Variants in FOCAD observed in about 807,000 individuals in gnomAD.
FOCAD encodes the protein focadhesin.
Under a neutral mutation model 225.6 loss-of-function variants are expected in FOCAD, and 198 were observed. The observed-to-expected ratio is 0.88, with a 90% CI of 0.78 to 0.99. The LOEUF (loss-of-function observed/expected upper bound fraction) is 0.99, where lower values mean the gene tolerates loss of function less well. Among genes scored for constraint, FOCAD ranks in the 50% least tolerant of loss-of-function variants. The pLI is 0.00. For missense variants in FOCAD, 2,713 were observed against 2,123.6 expected (o/e 1.28, Z -5.46); for synonymous variants, 897 against 755.0 (o/e 1.19, Z -3.08).
chr9:20,722,631 T>C (rs1178884124), intron 4 of FOCAD, among the ~76,000 whole-genome samples: 1 of 152,258 alleles, frequency 6.6e-6, no homozygotes, highest in Non-Finnish European at 1.5e-5. Flanking sequence ...TCTCTCTTTC[T>C]GTTTCTACAC....
chr9:20,659,746 T>G (rs1821653858), intron 2 of FOCAD, among the ~76,000 whole-genome samples: 1 of 152,256 alleles, frequency 6.6e-6, no homozygotes, highest in Non-Finnish European at 1.5e-5. Flanking sequence ...AAAGATTTTA[T>G]GCAGGGAAGC....
At chr9:20,968,859 T>C (rs1839513305) in intron 35 of FOCAD, among the ~76,000 whole-genome samples, 1 of 152,180 alleles carries the variant, frequency 6.6e-6, no homozygotes, top group Non-Finnish European at 1.5e-5. Context: ...GGGATATTGA[T>C]TAGAATTATT....
chr9:20,839,165 C>T (rs1050658605), intron 15 of FOCAD, among the ~76,000 whole-genome samples: 3 of 151,444 alleles, frequency 2.0e-5, no homozygotes, highest in African/African-American at 7.3e-5. Flanking sequence ...TGTGTGTTTC[C>T]ATCATTTTGT....
intron 39 of FOCAD, among the ~76,000 whole-genome samples, chr9:20,984,105 A>G (rs966745765): frequency 6.6e-6 from 1 of 152,322 alleles, no homozygotes; most frequent in Admixed American, 6.5e-5. Context: ...GCAAGGTCAG[A>G]GTTTTCTATT....
rs1209385485 is a variant in FOCAD at position 20,978,431 on chromosome 9, C to G, written c.4354C>G (p.Pro1452Ala). ...AAALLGLWVT[P>A]PLIHSLSLNT... The stretch of plus-strand genomic sequence containing the variant: ...TGCACTATTGGGCTTGTGGGTGACA[C>G]CACCACTGATCCACAGTCTGAGTGT... Residue 1452 changes from proline (P) to alanine (A), a missense_variant, in exon 37 of 44, where the codon CCA (proline) becomes GCA (alanine). Transcript: ENST00000338382. The G allele has an allele frequency of 6.2e-7, 1 of 1,610,600 alleles. No homozygotes were observed. Among genetic ancestry groups the G allele is most frequent in the African/African-American group, 1.3e-5 (1 of 74,782 alleles).
At position 20,923,604 on chromosome 9, in the gene FOCAD, C is replaced by G. The variant is rs981107362; in HGVS notation, c.2853-56C>G. 3.6e-6 allele frequency: 5 copies of G among 1,382,944 alleles called. No homozygotes were observed. In the African/African-American group the frequency reaches 4.3e-5, roughly 12 times the overall value. The allele number at this position is 1,382,944 out of a possible 1,614,324, so 85.7% of individuals were successfully genotyped here. On this transcript the variant is annotated intron_variant, in intron 24 of 43. Transcript: ENST00000338382. ...ACCTGCCCTCCTATATTAGCTCTTT[C>G]TCTTCTTCTGGTTAATACCAAAGTT...
chr9:20,840,933 G>C (rs1826459401), intron 15 of FOCAD, among the ~76,000 whole-genome samples: 1 of 151,804 alleles, frequency 6.6e-6, no homozygotes, highest in Non-Finnish European at 1.5e-5. Context: ...ATCATGAAGG[G>C]ATGTTAATGT....
intron 4 of FOCAD, among the ~76,000 whole-genome samples, chr9:20,722,316 T>C (rs1298892901): frequency 1.3e-5 from 2 of 152,166 alleles, no homozygotes; most frequent in African/African-American, 2.4e-5. Context: ...CCCTCTTCTC[T>C]AGACATCCAC....
chr9:20,684,139 G>T (rs1000829386), upstream of FOCAD: 1 of 152,272 alleles, frequency 6.6e-6, no homozygotes, highest in Non-Finnish European at 1.5e-5. Context: ...CGCGCGAGCC[G>T]GGGAGGGCGG....
At chr9:20,985,678 T>C (rs1841089935) in intron 39 of FOCAD, among the ~76,000 whole-genome samples, 1 of 152,184 alleles carries the variant, frequency 6.6e-6, no homozygotes, top group South Asian at 2.1e-4. Flanking sequence ...ACAGTTCCCA[T>C]ATGAGTATTT....
rs373073970 is a variant in FOCAD at position 20,745,861 on chromosome 9, A to G, written c.392+5521A>G. ...CTCGGAAGTGGACAATTAGGCCAAC[A>G]GTAATGGATGATTGTACCCTGAGTA... On this transcript the variant is annotated intron_variant, in intron 5 of 43. Coordinates refer to ENST00000338382, the MANE Select transcript of FOCAD (RefSeq NM_001375567.1). Among the ~76,000 whole-genome samples the G allele has an allele frequency of 1.8e-3, 271 of 152,332 alleles. 8 individuals carry two copies. In the South Asian group the frequency reaches 0.054, roughly 30 times the overall value.
At chr9:20,937,595 C>T (rs1176305063) in intron 28 of FOCAD, among the ~76,000 whole-genome samples, 2 of 152,170 alleles carry the variant, frequency 1.3e-5, no homozygotes, top group African/African-American at 4.8e-5. Flanking sequence ...GGATTAAAGA[C>T]TTACATGTTA....
chr9:20,739,096 C>T (rs1424223317), intron 4 of FOCAD, among the ~76,000 whole-genome samples: 1 of 151,920 alleles, frequency 6.6e-6, no homozygotes, highest in Non-Finnish European at 1.5e-5. Context: ...ACTTGGAAAA[C>T]CTTAAATGCC....
At chr9:20,656,240 A>G (rs1482385806), upstream of FOCAD, among the ~76,000 whole-genome samples, 3 of 150,848 alleles carry the variant, frequency 2.0e-5, no homozygotes, top group Non-Finnish European at 4.4e-5. Flanking sequence ...GTGCTGAAAA[A>G]AATGTATATT....
intron 24 of FOCAD, 98 bp from the exon 25 acceptor site, chr9:20,923,562 A>C: frequency 1.3e-6 from 1 of 761,400 alleles, no homozygotes; most frequent in Non-Finnish European, 2.2e-6. Flanking sequence ...AAGGAACACA[A>C]GTTGCTTTTT....
At chr9:20,827,859 T>A (rs368389136) in intron 15 of FOCAD, among the ~76,000 whole-genome samples, 3 of 152,106 alleles carry the variant, frequency 2.0e-5, no homozygotes, top group Non-Finnish European at 4.4e-5. Context: ...AATTTTATTT[T>A]GTTAAAGATT....
At chr9:20,669,617 T>C (rs1428455143) in intron 2 of FOCAD, among the ~76,000 whole-genome samples, 2 of 150,186 alleles carry the variant, frequency 1.3e-5, no homozygotes, top group African/African-American at 4.9e-5. Context: ...CTATTGAAAA[T>C]ACACAAATTA....
At position 20,755,969 on chromosome 9, in the gene FOCAD, GT is replaced by G. The variant is rs754477467; in HGVS notation, c.393-2117del. ...ATCACTGCTACTGGCCTGTTTTGTG[GT>G]TTTAATTGAACACGACCTGCTGAAC... On this transcript the variant is annotated intron_variant, in intron 5 of 43. Coordinates refer to ENST00000338382, the MANE Select transcript of FOCAD (RefSeq NM_001375567.1). Among the ~76,000 whole-genome samples the G allele has an allele frequency of 7.4e-4, 113 of 151,918 alleles. 2 individuals carry two copies. Among genetic ancestry groups the G allele is most frequent in the Non-Finnish European group, 1.0e-4 (7 of 67,978 alleles).
chr9:20,833,522 A>G (rs1178284862), intron 15 of FOCAD, among the ~76,000 whole-genome samples: 1 of 152,082 alleles, frequency 6.6e-6, no homozygotes, highest in Non-Finnish European at 1.5e-5. Flanking sequence ...GCTTTTTCAC[A>G]TGGCAGCGAC....
Sources: allele counts gnomAD v4.1 joint callset (sites outside exome capture counted in the v4.1 genomes callset), GRCh38; gene constraint gnomAD v4.1.1; transcripts MANE v1.5; gene names NCBI Gene and HGNC (gene_info 2026-07-23, HGNC 2026-07-21).